MYCBPAP: variants seen among roughly 807,000 people sequenced by gnomAD.
MYCBPAP encodes the protein MYCBP-associated protein.
MYCBPAP carries 60 observed loss-of-function variants against 106.1 expected under a neutral mutation model. The ratio of observed to expected loss-of-function variants is 0.57; its 90% confidence interval spans 0.46 to 0.70. The LOEUF is 0.70. Among genes scored for constraint, MYCBPAP ranks in the 30% least tolerant of loss-of-function variants. The probability of loss-of-function intolerance (pLI) is 0.00; values close to 1 mark genes in which losing one functional copy is unlikely to be tolerated. For synonymous variants in MYCBPAP, 407 were observed against 440.6 expected (o/e 0.92, Z 0.95); for missense variants, 1,064 against 1,169.3 (o/e 0.91, Z 1.31).
rs2034103030 is a variant in MYCBPAP, at chr17:50,517,676, C to T, written c.446C>T (p.Ala149Val). The T allele has an allele frequency of 1.4e-5, 22 of 1,614,124 alleles. No individual in the cohort carries two copies. The highest frequency in any genetic ancestry group is 1.8e-5 in the Non-Finnish European group (21 of 1,179,986). ...LGSLQDFKRI[A>V]LARGNTQLAE... ...AGTCTCCAGGATTTTAAGAGAATTG[C>T]ACTTGCTCGAGGGAACACCCAGGTT... Residue 149 changes from alanine to valine, a missense_variant, in exon 4 of 19, where the codon GCA (alanine) becomes GTA (valine). Physicochemically the swap from Ala to Val is moderately conservative, Grantham distance 64. Transcript: ENST00000323776.
intron 4 of MYCBPAP, 131 bp from the exon 5 acceptor site, chr17:50,518,410 C>G: frequency 1.4e-6 from 1 of 711,898 alleles, no homozygotes; most frequent in Non-Finnish European, 2.2e-6. Flanking sequence ...ACTGGCTACT[C>G]TGGAGTCCTG....
intron 1 of MYCBPAP, among the ~76,000 whole-genome samples, chr17:50,512,009 C>T (rs1341516218): frequency 6.6e-6 from 1 of 151,742 alleles, no homozygotes; most frequent in Non-Finnish European, 1.5e-5. Flanking sequence ...TGGTTTCCCT[C>T]TCATCCCCAA....
intron 7 of MYCBPAP, 106 bp downstream of exon 7, chr17:50,519,893 G>C: frequency 7.9e-7 from 1 of 1,271,410 alleles, no homozygotes; most frequent in Non-Finnish European, 1.1e-6. Context: ...CCCAGGGCCT[G>C]TTTCTCTGTG....
intron 1 of MYCBPAP, among the ~76,000 whole-genome samples, chr17:50,512,078 G>A (rs1359304208): frequency 2.1e-5 from 3 of 144,940 alleles, no homozygotes; most frequent in African/African-American, 7.8e-5. Context: ...TTGAGACGGA[G>A]TCTTGCTCTG....
rs8064455 is a variant in MYCBPAP at position 50,518,627 on chromosome 17, G to T, written c.555G>T (p.Glu185Asp). 8.7e-6 allele frequency: 14 copies of T among 1,611,304 alleles called. No individual in the cohort carries two copies. The highest frequency in any genetic ancestry group is 1.1e-5 in the Non-Finnish European group (13 of 1,179,140). Residue 185 changes from glutamate to aspartate, a missense_variant, in exon 5 of 19, where the codon GAG becomes GAT. Transcript: ENST00000323776. ...GESKQKAPKEEKRPPWAPPPQ... is the reference protein window; with the variant it reads ...GESKQKAPKEDKRPPWAPPPQ... ...CAAAGCAAAAAGCCCCAAAAGAAGA[G>T]AAGAGACCTCCCTGGGCCCCACCTC...
chr17:50,524,071 T>C (rs1481413018), intron 12 of MYCBPAP, among the ~76,000 whole-genome samples: 2 of 152,242 alleles, frequency 1.3e-5, no homozygotes, highest in Non-Finnish European at 2.9e-5. Context: ...TAAAGTACAA[T>C]GTGTGGCCCT....
chr17:50,528,354 A>G (rs2034526595), intron 16 of MYCBPAP, 84 bp downstream of exon 16: 1 of 1,189,034 alleles, frequency 8.4e-7, no homozygotes. Flanking sequence ...TGGGCCAGTC[A>G]TACTCCTTTG....
rs543543309 is a variant in MYCBPAP, at chr17:50,524,943, G to C, written c.1702G>C (p.Val568Leu). 25 of 1,614,066 alleles carry C rather than the reference G, an allele frequency of 1.5e-5. No homozygotes were observed. The South Asian group carries it at 2.6e-4, about 17-fold the overall frequency. The change falls in exon 13 of 19, where the codon GTC becomes CTC. Residue 568 changes from valine (V) to leucine (L), a missense_variant. Coordinates refer to ENST00000323776, the MANE Select transcript of MYCBPAP (RefSeq NM_032133.6). Reference sequence around the variant, plus strand: ...AGTGCTGCAGGAGCTGCTGATGGGGGTCTTGACCCCGGAGCGCACACCATC... The same window carrying C: ...AGTGCTGCAGGAGCTGCTGATGGGGCTCTTGACCCCGGAGCGCACACCATC... ...REVLQELLMGVLTPERTPSPV... is the reference protein window; with the variant it reads ...REVLQELLMGLLTPERTPSPV...
chr17:50,519,468 C>A, intron 6 of MYCBPAP, 172 bp from the exon 7 acceptor site: 1 of 772,058 alleles, frequency 1.3e-6, no homozygotes, highest in Non-Finnish European at 2.1e-6. Flanking sequence ...AAGATGACAA[C>A]AGGGTGTCCA....
At position 50,512,122 on chromosome 17, in the gene MYCBPAP, C is replaced by T. The variant is rs184979166; in HGVS notation, c.76+3372C>T. On this transcript the variant is annotated intron_variant, in intron 1 of 18. Transcript: ENST00000323776. ...GCTCTGGAGTGCAGTGGTGCAAACT[C>T]GGCTCACTGCAAGCTCTGCCTCCCG... Among the ~76,000 whole-genome samples the T allele has an allele frequency of 1.3e-3, 200 of 149,806 alleles. 1 individual carries two copies. Among genetic ancestry groups the T allele is most frequent in the African/African-American group, 4.6e-3 (187 of 40,348 alleles).
intron 1 of MYCBPAP, among the ~76,000 whole-genome samples, chr17:50,516,281 C>T (rs1288594469): frequency 6.6e-6 from 1 of 152,324 alleles, no homozygotes; most frequent in East Asian, 1.9e-4. Flanking sequence ...TGAGCCACCA[C>T]ACCTGGCCTG....
At chr17:50,507,915 T>C (rs1265833707), upstream of MYCBPAP, among the ~76,000 whole-genome samples, 1 of 152,200 alleles carries the variant, frequency 6.6e-6, no homozygotes, top group Non-Finnish European at 1.5e-5. Flanking sequence ...GGTGCGTTTA[T>C]AAACTTAAAA....
intron 9 of MYCBPAP, 128 bp from the exon 10 acceptor site, chr17:50,521,845 T>G: frequency 1.3e-6 from 1 of 758,950 alleles, no homozygotes; most frequent in Non-Finnish European, 2.2e-6. Context: ...GGGAGTGGAG[T>G]TGATCATACT....
At chr17:50,521,949 A>G (rs1213840809) in intron 9 of MYCBPAP, 24 bp from the exon 10 acceptor site, 3 of 1,607,478 alleles carry the variant, frequency 1.9e-6, no homozygotes, top group Non-Finnish European at 1.7e-6. Flanking sequence ...CTAAGAGAAA[A>G]TAAGTCATTG....
At chr17:50,520,922 G>A in intron 7 of MYCBPAP, 188 bp from the exon 8 acceptor site, 1 of 561,762 alleles carries the variant, frequency 1.8e-6, no homozygotes, top group Non-Finnish European at 3.2e-6. Flanking sequence ...AATTTTTCAG[G>A]AGTCTTGTGT....
chr17:50,522,578 C>G (rs1567890960), intron 10 of MYCBPAP: 1 of 151,482 alleles, frequency 6.6e-6, no homozygotes, highest in African/African-American at 2.5e-5. Context: ...CCTGTAATCC[C>G]TGCTACTTGG....
chr17:50,513,218 C>CAAAAA (rs1190873215), intron 1 of MYCBPAP, among the ~76,000 whole-genome samples: 7 of 62,678 alleles, frequency 1.1e-4, no homozygotes, highest in Non-Finnish European at 1.8e-4. Context: ...AACTCCATCT[C>CAAAAA]AAAAAAAAAA....
intron 12 of MYCBPAP, among the ~76,000 whole-genome samples, chr17:50,524,018 C>A (rs991605985): frequency 6.6e-6 from 1 of 152,212 alleles, no homozygotes; most frequent in African/African-American, 2.4e-5. Flanking sequence ...CATGGCCCCA[C>A]TGAGTTAGAA....
At chr17:50,516,802 C>A in intron 2 of MYCBPAP, 105 bp downstream of exon 2, 1 of 1,321,498 alleles carries the variant, frequency 7.6e-7, no homozygotes, top group Non-Finnish European at 1.0e-6. Flanking sequence ...GAGTGTCTAA[C>A]TCCATGGAAA....
Sources: gnomAD v4.1 joint callset for allele counts (sites outside exome capture counted in the v4.1 genomes callset) on GRCh38, gnomAD v4.1.1 for gene constraint, MANE v1.5 for transcripts, NCBI Gene and HGNC (gene_info 2026-07-23, HGNC 2026-07-21) for gene names.